CSMD1: variants seen among roughly 807,000 people sequenced by gnomAD.
CSMD1 encodes CUB and sushi domain-containing protein 1.
CSMD1 carries 213 observed loss-of-function variants against 417.5 expected under a neutral mutation model. That is an observed-to-expected ratio of 0.51 (90% CI 0.46 to 0.57). The LOEUF (loss-of-function observed/expected upper bound fraction) is 0.57, where lower values mean the gene tolerates loss of function less well. Ranked by LOEUF, CSMD1 falls within the 20% of genes least tolerant of loss-of-function variation. The pLI, the probability that CSMD1 is intolerant of heterozygous loss-of-function variation, is 0.00. For missense variants in CSMD1, 6,923 were observed against 4,529.7 expected, an observed-to-expected ratio of 1.53 and a Z score of -15.17; for synonymous variants, 2,862 against 1,736.8, an observed-to-expected ratio of 1.65 and a Z score of -16.11.
chr8:3,815,115 G>T (rs975309871), intron 5 of CSMD1, among the ~76,000 whole-genome samples: 2 of 152,148 alleles, frequency 1.3e-5, no homozygotes, highest in Non-Finnish European at 2.9e-5. Context: ...AAAATAATTA[G>T]ACATGGGATA....
At chr8:4,050,638 T>C (rs1041943733) in intron 3 of CSMD1, among the ~76,000 whole-genome samples, 2 of 152,122 alleles carry the variant, frequency 1.3e-5, no homozygotes, top group African/African-American at 4.8e-5. Flanking sequence ...TGCTATCAAA[T>C]ACTAGATCTT....
intron 47 of CSMD1, among the ~76,000 whole-genome samples, chr8:3,093,211 G>C (rs1042080573): frequency 3.3e-5 from 5 of 152,134 alleles, no homozygotes; most frequent in Non-Finnish European, 7.4e-5. Flanking sequence ...GGTGGGTCCT[G>C]ATCTAATATA....
At chr8:3,833,273 T>A (rs1192697108) in intron 5 of CSMD1, among the ~76,000 whole-genome samples, 3 of 152,142 alleles carry the variant, frequency 2.0e-5, no homozygotes, top group Admixed American at 6.6e-5. Flanking sequence ...ATTTTGTCAT[T>A]ACAACACTGA....
intron 5 of CSMD1, among the ~76,000 whole-genome samples, chr8:3,974,429 C>T (rs1813287255): frequency 6.6e-6 from 1 of 151,810 alleles, no homozygotes; most frequent in South Asian, 2.1e-4. Context: ...CCAGGATATT[C>T]ATAAGGGTAT....
At chr8:3,382,024 G>A (rs913755545) in intron 18 of CSMD1, among the ~76,000 whole-genome samples, 1 of 152,028 alleles carries the variant, frequency 6.6e-6, no homozygotes, top group African/African-American at 2.4e-5. Context: ...TTGGGAGGCC[G>A]AGGCAGGCAG....
chr8:4,132,540 C>T (rs1470922159), intron 3 of CSMD1, among the ~76,000 whole-genome samples: 1 of 152,124 alleles, frequency 6.6e-6, no homozygotes, highest in Non-Finnish European at 1.5e-5. Context: ...TTTTAAAATG[C>T]AAAGGGGGCA....
chr8:4,716,091 A>G (rs1372268537), intron 1 of CSMD1, among the ~76,000 whole-genome samples: 1 of 152,160 alleles, frequency 6.6e-6, no homozygotes, highest in Admixed American at 6.5e-5. Context: ...GGTTGGGGGC[A>G]GGGACTCTTA....
chr8:3,156,337 C>T (rs964910283), intron 39 of CSMD1, among the ~76,000 whole-genome samples: 7 of 152,170 alleles, frequency 4.6e-5, no homozygotes, highest in Non-Finnish European at 1.0e-4. Context: ...TATAATGATC[C>T]AGGCTCTCTG....
chr8:4,041,207 CG>C (rs1357612083), intron 3 of CSMD1, among the ~76,000 whole-genome samples: 1 of 151,752 alleles, frequency 6.6e-6, no homozygotes, highest in Non-Finnish European at 1.5e-5. Context: ...TTGGTAGAGA[CG>C]GGGTTTCACC....
Position 3,965,232 on chromosome 8 carries a change from G to A in CSMD1, c.818+32671C>T, listed in dbSNP as rs887829651. Among the ~76,000 whole-genome samples, 15 of 152,238 alleles carry A rather than the reference G, an allele frequency of 9.9e-5. No individual in the cohort carries two copies. In the East Asian group the frequency reaches 1.4e-3, roughly 14 times the overall value. ...GGAGGGGCTGAACTTGAACAGAGAC[G>A]GCAAATGCTTTCCACTCAGCCTTTG... On this transcript the variant is annotated intron_variant, in intron 5 of 69. Coordinates refer to ENST00000635120, the MANE Select transcript of CSMD1 (RefSeq NM_033225.6).
chr8:3,378,851 C>G (rs1810469341), intron 18 of CSMD1, among the ~76,000 whole-genome samples: 2 of 152,168 alleles, frequency 1.3e-5, no homozygotes, highest in Admixed American at 6.5e-5. Flanking sequence ...CAAGGATGCC[C>G]TTTCTCACCA....
At position 4,833,154 on chromosome 8, in the gene CSMD1, A is replaced by C. The variant is rs549799465; in HGVS notation, c.85+161178T>G. ...GAGTAAAATTGATATCCACTGTATT[A>C]GTCCATTCTCACACTGCTATAAAAA... On this transcript the variant is annotated intron_variant, in intron 1 of 69. Transcript: ENST00000635120. 2.0e-4 allele frequency among the ~76,000 whole-genome samples: 30 copies of C among 152,302 alleles called. No homozygotes were observed. In the East Asian group the frequency reaches 5.6e-3, roughly 28 times the overall value.
chr8:4,066,549 A>G (rs1585239849), intron 3 of CSMD1, among the ~76,000 whole-genome samples: 1 of 152,228 alleles, frequency 6.6e-6, no homozygotes, highest in African/African-American at 2.4e-5. Context: ...AAATTTTACC[A>G]TTAAAGACTT....
At chr8:3,974,343 T>C (rs935903649) in intron 5 of CSMD1, among the ~76,000 whole-genome samples, 1 of 151,976 alleles carries the variant, frequency 6.6e-6, no homozygotes, top group African/African-American at 2.4e-5. Context: ...GTTTGAGTAG[T>C]TGAAAGAAAT....
At chr8:4,031,169 A>G (rs190621615) in intron 4 of CSMD1, among the ~76,000 whole-genome samples, 67 of 152,312 alleles carry the variant, frequency 4.4e-4, no homozygotes, top group Non-Finnish European at 6.5e-4. Flanking sequence ...AGTCGCTTCC[A>G]CATCTTTTGG....
intron 3 of CSMD1, among the ~76,000 whole-genome samples, chr8:4,297,651 G>A (rs910831382): frequency 1.3e-5 from 2 of 152,096 alleles, no homozygotes; most frequent in African/African-American, 4.8e-5. Flanking sequence ...TCACACTAGG[G>A]TTTGGATTTT....
intron 5 of CSMD1, among the ~76,000 whole-genome samples, chr8:3,835,373 G>A (rs1802620861): frequency 6.6e-6 from 1 of 152,050 alleles, no homozygotes; most frequent in East Asian, 1.9e-4. Flanking sequence ...ATACACCATG[G>A]AATACTACGC....
rs146935470 is a variant in CSMD1, at chr8:3,043,396, T to C, written c.7660+9066A>G. 3.7e-4 allele frequency among the ~76,000 whole-genome samples: 57 copies of C among 152,260 alleles called. 1 individual carries two copies. In the Middle Eastern group the frequency reaches 0.01, roughly 27 times the overall value. Reference sequence around the variant, plus strand: ...ATAGGTCACTATAGCGATAGGTTTCTATGACCTATAAATACTAGATATGAC... The same window carrying C: ...ATAGGTCACTATAGCGATAGGTTTCCATGACCTATAAATACTAGATATGAC... On this transcript the variant is annotated intron_variant, in intron 50 of 69. Coordinates refer to ENST00000635120, the MANE Select transcript of CSMD1 (RefSeq NM_033225.6).
At chr8:4,163,946 A>C (rs931951049) in intron 3 of CSMD1, among the ~76,000 whole-genome samples, 5 of 152,176 alleles carry the variant, frequency 3.3e-5, no homozygotes, top group African/African-American at 1.2e-4. Context: ...TAAGTTTTCC[A>C]GGCTTCTCAA....
Sources: allele counts gnomAD v4.1 joint callset (sites outside exome capture counted in the v4.1 genomes callset), GRCh38; gene constraint gnomAD v4.1.1; transcripts MANE v1.5; gene names NCBI Gene and HGNC (gene_info 2026-07-23, HGNC 2026-07-21).